BPIFB1: variants seen among roughly 807,000 people sequenced by gnomAD.
BPIFB1 encodes BPI fold containing family B member 1, also known as BPI fold-containing family B member 1.
A neutral mutation model predicts 55.1 loss-of-function variants in BPIFB1; 34 were observed. The ratio of observed to expected loss-of-function variants is 0.62; its 90% CI spans 0.47 to 0.82. The LOEUF (loss-of-function observed/expected upper bound fraction) is 0.82, where lower values mean the gene tolerates loss of function less well. BPIFB1 is among the 40% of genes least tolerant of loss of function. BPIFB1 has a pLI of 0.00. For synonymous variants in BPIFB1, 236 were observed against 245.3 expected, an observed-to-expected ratio of 0.96 and a Z score of 0.35; for missense variants, 532 against 593.1, an observed-to-expected ratio of 0.90 and a Z score of 1.07.
At chr20:33,304,730 C>T (rs1980965008) in intron 12 of BPIFB1, 116 bp from the exon 13 acceptor site, 1 of 1,296,998 alleles carries the variant, frequency 7.7e-7, no homozygotes, top group African/African-American at 1.5e-5. Context: ...ATGTGGTTCA[C>T]TGGAGCCCGC....
Position 33,309,865 on chromosome 20 carries a change from C to T in BPIFB1, c.*98C>T, listed in dbSNP as rs922720363. Reference sequence around the variant, plus strand: ...CCTCTCTGCAATCAATAAACACTTGCCTGTGATGCCTGCCGTCTGGAGTCT... The same window carrying T: ...CCTCTCTGCAATCAATAAACACTTGTCTGTGATGCCTGCCGTCTGGAGTCT... On this transcript the variant is annotated 3_prime_UTR_variant, in exon 16 of 16. Coordinates refer to ENST00000253354, the MANE Select transcript of BPIFB1 (RefSeq NM_033197.3). This position sits in a 1 kb window ranked among gnomAD's most constrained non-coding sequence, Gnocchi z 4.4. The T allele has an allele frequency of 6.2e-6, 7 of 1,120,950 alleles. No individual in the cohort carries two copies. In the Admixed American group the frequency reaches 9.4e-5, roughly 15 times the overall value. 69.4% of individuals were successfully genotyped at this position (1,120,950 alleles called of 1,614,324 possible).
At chr20:33,284,124 CAAAT>C (rs1464101720) in intron 1 of BPIFB1, among the ~76,000 whole-genome samples, 5 of 152,152 alleles carry the variant, frequency 3.3e-5, no homozygotes, top group Admixed American at 6.5e-5. Flanking sequence ...TGCCAGGCCA[CAAAT>C]AGATTGTCTC....
At position 33,294,328 on chromosome 20, in the gene BPIFB1, A is replaced by G. The variant is rs1416954744; in HGVS notation, c.597+2340A>G. Among the ~76,000 whole-genome samples, 3 of 152,218 alleles carry G rather than the reference A, an allele frequency of 2.0e-5. No homozygotes were observed. In the East Asian group the frequency reaches 5.8e-4, roughly 29 times the overall value. ...GAGAGAGATGAGAAGGGAGGGAACC[A>G]ATATAATGAATTAATGAATTGTGTG... On this transcript the variant is annotated intron_variant, in intron 6 of 15. Coordinates refer to ENST00000253354, the MANE Select transcript of BPIFB1 (RefSeq NM_033197.3).
In BPIFB1 at chr20:33,292,983, G is replaced by A. The variant is rs146080500; in HGVS notation, c.597+995G>A. Among the ~76,000 whole-genome samples, 708 of 152,298 alleles carry A rather than the reference G, an allele frequency of 4.6e-3. 5 individuals are homozygous for A. The highest frequency in any genetic ancestry group is 0.016 in the African/African-American group (668 of 41,564). On this transcript the variant is annotated intron_variant, in intron 6 of 15. Transcript: ENST00000253354. ...GTCGCCTAGGCGGGAGTGCAGTGGC[G>A]CAATCTCAGCTCACTGCAACCTCCG...
chr20:33,299,278 C>G, intron 7 of BPIFB1: 2 of 425,080 alleles, frequency 4.7e-6, no homozygotes, highest in Non-Finnish European at 9.8e-6. Context: ...CGGCCATACA[C>G]CGGGGCAGGT....
intron 6 of BPIFB1, among the ~76,000 whole-genome samples, chr20:33,296,219 G>A (rs1243309171): frequency 2.6e-5 from 4 of 152,160 alleles, no homozygotes; most frequent in Non-Finnish European, 5.9e-5. Context: ...GGGAATTGTG[G>A]GATAAAATGC....
chr20:33,303,319 C>T (rs1031867961), intron 11 of BPIFB1, among the ~76,000 whole-genome samples: 6 of 152,174 alleles, frequency 3.9e-5, no homozygotes, highest in Admixed American at 3.9e-4. Flanking sequence ...GTATTAGCTC[C>T]TATAACTAAA....
At chr20:33,305,426 T>C (rs1378730917) in intron 13 of BPIFB1, among the ~76,000 whole-genome samples, 1 of 150,034 alleles carries the variant, frequency 6.7e-6, no homozygotes, top group African/African-American at 2.4e-5. Context: ...CAAGCAATTC[T>C]CCTGCCTCAG....
At chr20:33,308,538 A>G (rs1981113466) in intron 15 of BPIFB1, among the ~76,000 whole-genome samples, 2 of 146,540 alleles carry the variant, frequency 1.4e-5, no homozygotes, top group Non-Finnish European at 3.0e-5. Flanking sequence ...ACATACATAC[A>G]CACACACACC....
intron 2 of BPIFB1, among the ~76,000 whole-genome samples, chr20:33,288,491 GCT>G (rs1236049788): frequency 6.6e-6 from 1 of 152,186 alleles, no homozygotes; most frequent in East Asian, 1.9e-4. Flanking sequence ...GGCTGGCAAT[GCT>G]CAGGGGTGTG....
intron 2 of BPIFB1, among the ~76,000 whole-genome samples, chr20:33,287,514 C>G (rs193131037): frequency 3.4e-4 from 51 of 152,236 alleles, no homozygotes; most frequent in Non-Finnish European, 6.0e-4. Flanking sequence ...AAAGGATAAC[C>G]TAGGGATGGA....
intron 2 of BPIFB1, among the ~76,000 whole-genome samples, chr20:33,286,721 A>T (rs1980277165): frequency 6.6e-6 from 1 of 152,238 alleles, no homozygotes; most frequent in Non-Finnish European, 1.5e-5. Flanking sequence ...GAATGCTATG[A>T]CCATGGTTTC....
intron 12 of BPIFB1, 95 bp from the exon 13 acceptor site, chr20:33,304,751 G>A: frequency 6.7e-7 from 1 of 1,495,294 alleles, no homozygotes; most frequent in Non-Finnish European, 9.3e-7. Context: ...ACTGTGCCTG[G>A]CACATAATAG....
Position 33,300,105 on chromosome 20 carries a change from G to A in BPIFB1, c.747+121G>A, listed in dbSNP as rs1980799519. 5 of 838,840 alleles carry A rather than the reference G, an allele frequency of 6.0e-6. 1 individual carries two copies. Among genetic ancestry groups the A allele is most frequent in the Middle Eastern group, 4.7e-4 (2 of 4,234 alleles). The allele number at this position is 838,840 out of a possible 1,614,324, so 52.0% of individuals were successfully genotyped here. On this transcript the variant is annotated intron_variant, in intron 8 of 15. Coordinates refer to ENST00000253354, the MANE Select transcript of BPIFB1 (RefSeq NM_033197.3). ...AATCCTGGTCACCATTAGGACACGG[G>A]CTGATCTAGAAAAATCACTGCAGGC... is the stretch of plus-strand genomic sequence containing the variant.
Position 33,306,870 on chromosome 20 carries a change from A to T in BPIFB1, c.1319-41A>T, listed in dbSNP as rs1053258418. On this transcript the variant is annotated intron_variant, in intron 14 of 15. Transcript: ENST00000253354. The stretch of plus-strand genomic sequence containing the variant: ...AGCCTGCCCCTGGCTGCCCAGTCTC[A>T]CCCCAGGCCCATCAGTTTCTGACCA... 19 of 1,567,104 alleles carry T rather than the reference A, an allele frequency of 1.2e-5. No homozygotes were observed. The Admixed American group carries it at 2.0e-4, about 17-fold the overall frequency.
At chr20:33,288,695 T>C (rs745327935) in intron 2 of BPIFB1, 46 bp from the exon 3 acceptor site, 1 of 1,598,238 alleles carries the variant, frequency 6.3e-7, no homozygotes, top group Non-Finnish European at 8.5e-7. Context: ...CAAGCCTTCC[T>C]TCTTGCCCCT....
At chr20:33,287,291 G>A (rs1016725772) in intron 2 of BPIFB1, among the ~76,000 whole-genome samples, 3 of 152,238 alleles carry the variant, frequency 2.0e-5, no homozygotes, top group African/African-American at 7.2e-5. Flanking sequence ...GGCAAGGCAG[G>A]GAAGGAAAGG....
intron 4 of BPIFB1, 24 bp from the exon 5 acceptor site, chr20:33,290,933 T>C (rs746909650): frequency 6.2e-7 from 1 of 1,611,230 alleles, no homozygotes; most frequent in Non-Finnish European, 8.5e-7. Context: ...GGTGCTCACA[T>C]GGTCAGGTGC....
At position 33,307,082 on chromosome 20, in the gene BPIFB1, T is replaced by C. The variant is rs549064916; in HGVS notation, c.1395+95T>C. On this transcript the variant is annotated intron_variant, in intron 15 of 15. Coordinates refer to ENST00000253354, the MANE Select transcript of BPIFB1 (RefSeq NM_033197.3). ...TGGGGCCTGCACTCCAACCCCAGCC[T>C]ACAGGTGACCCTGGGCAAGTCCCTT... 5 of 1,154,140 alleles carry C rather than the reference T, an allele frequency of 4.3e-6. No individual in the cohort carries two copies. The African/African-American group carries it at 6.1e-5, about 14-fold the overall frequency. 71.5% of individuals were successfully genotyped at this position (1,154,140 alleles called of 1,614,324 possible).
Sources: allele counts gnomAD v4.1 joint callset (sites outside exome capture counted in the v4.1 genomes callset), GRCh38; gene constraint gnomAD v4.1.1; non-coding constraint Gnocchi (gnomAD v3.1); transcripts MANE v1.5; gene names NCBI Gene and HGNC (gene_info 2026-07-23, HGNC 2026-07-21).